The following MTPN variants were observed in gnomAD, a reference collection of about 807,000 sequenced individuals.
The protein encoded by MTPN is myotrophin.
Under a neutral mutation model 13.5 loss-of-function variants are expected in MTPN, and 2 were observed. That is an observed-to-expected ratio of 0.15 (90% CI 0.06 to 0.47). MTPN has a LOEUF of 0.47. Ranked by LOEUF, MTPN falls within the 20% of genes least tolerant of loss-of-function variation. The probability of loss-of-function intolerance (pLI) is 0.97; values close to 1 mark genes in which losing one functional copy is unlikely to be tolerated. For missense variants in MTPN, 79 were observed against 137.9 expected, an observed-to-expected ratio of 0.57 and a Z score of 2.14; for synonymous variants, 46 against 51.7, an observed-to-expected ratio of 0.89 and a Z score of 0.48.
At chr7:135,932,004 A>G (rs1209506643) in intron 3 of MTPN, among the ~76,000 whole-genome samples, 1 of 152,162 alleles carries the variant, frequency 6.6e-6, no homozygotes, top group African/African-American at 2.4e-5. Flanking sequence ...ATTGTTAACA[A>G]ATGTGAACAG....
At position 135,927,137 on chromosome 7, in the gene MTPN, GA is replaced by G. The variant is rs3832468; in HGVS notation, c.*2788del. ...AAACAGCAGCTCAACTGAAATATTAGAAAAAAAAATCAAACAGATACATACA... is the reference window on the plus strand; with the variant it reads ...AAACAGCAGCTCAACTGAAATATTAGAAAAAAAATCAAACAGATACATACA... On this transcript the variant is annotated 3_prime_UTR_variant, in exon 4 of 4. Transcript: ENST00000393085. 35 of 576,910 alleles carry G rather than the reference GA, an allele frequency of 6.1e-5. No individual in the cohort carries two copies. The highest frequency in any genetic ancestry group is 9.6e-5 in the African/African-American group (5 of 51,904). The allele number at this position is 576,910 out of a possible 1,614,324, so 35.7% of individuals were successfully genotyped here. A position where few individuals can be genotyped will look rare whatever the true frequency, so the allele number is the denominator to read the frequency against.
At chr7:135,967,843 A>G (rs570505850) in intron 1 of MTPN, among the ~76,000 whole-genome samples, 1 of 152,324 alleles carries the variant, frequency 6.6e-6, no homozygotes, top group Non-Finnish European at 1.5e-5. Context: ...TCTAATTCCA[A>G]AGCCAACACA....
intron 1 of MTPN, among the ~76,000 whole-genome samples, chr7:135,960,180 A>G (rs1799500399): frequency 6.6e-6 from 1 of 152,124 alleles, no homozygotes; most frequent in African/African-American, 2.4e-5. Flanking sequence ...TGATTAAATT[A>G]TATCATGTGA....
intron 1 of MTPN, 50 bp from the exon 2 acceptor site, chr7:135,951,680 A>G (rs772015316): frequency 2.3e-6 from 3 of 1,286,028 alleles, no homozygotes; most frequent in Non-Finnish European, 3.3e-6. Context: ...GGAAGACTGA[A>G]GAAGTGAAAT....
chr7:135,939,985 T>A (rs35466553), intron 3 of MTPN, among the ~76,000 whole-genome samples: 2,458 of 152,310 alleles, frequency 0.016, 32 homozygotes, highest in African/African-American at 0.037. Flanking sequence ...ATTATTTTTT[T>A]AAAAATACTA....
At chr7:135,935,875 TAA>T (rs1468346448) in intron 3 of MTPN, among the ~76,000 whole-genome samples, 1 of 152,012 alleles carries the variant, frequency 6.6e-6, no homozygotes, top group Non-Finnish European at 1.5e-5. Flanking sequence ...TCTTAGACAC[TAA>T]GTTTCTAAGG....
intron 1 of MTPN, among the ~76,000 whole-genome samples, chr7:135,968,230 T>C (rs1487625594): frequency 6.6e-6 from 1 of 152,202 alleles, no homozygotes; most frequent in Non-Finnish European, 1.5e-5. Flanking sequence ...GTCTCTGACT[T>C]TGTAAATAAG....
At position 135,928,278 on chromosome 7, in the gene MTPN, A is replaced by G. The variant is rs1281841561; in HGVS notation, c.*1648T>C. ...AAAAAGCCACAGGATTAAAAAAAGG[A>G]CTCATGGGGAAAAATACACACACAC... On this transcript the variant is annotated 3_prime_UTR_variant, in exon 4 of 4. Transcript: ENST00000393085. 1 of 166,992 alleles carries G rather than the reference A, an allele frequency of 6.0e-6. No homozygotes were observed. Among genetic ancestry groups the G allele is most frequent in the African/African-American group, 2.4e-5 (1 of 41,360 alleles). 10.3% of individuals were successfully genotyped at this position (166,992 alleles called of 1,614,324 possible). A position where few individuals can be genotyped will look rare whatever the true frequency, so the allele number is the denominator to read the frequency against.
chr7:135,960,877 T>A, intron 1 of MTPN: 1 of 150,018 alleles, frequency 6.7e-6, no homozygotes, highest in Admixed American at 6.6e-5. Flanking sequence ...GTAATCAAAA[T>A]GGAATCCAAA....
chr7:135,965,394 A>G (rs773860988), intron 1 of MTPN, among the ~76,000 whole-genome samples: 7 of 152,144 alleles, frequency 4.6e-5, no homozygotes, highest in Non-Finnish European at 1.0e-4. Context: ...ATCCAAAATG[A>G]AAGTGTAATA....
chr7:135,935,960 T>C (rs1799109464), intron 3 of MTPN, among the ~76,000 whole-genome samples: 2 of 152,064 alleles, frequency 1.3e-5, no homozygotes, highest in South Asian at 4.1e-4. Context: ...TTCTTATTCA[T>C]AACACACTAT....
chr7:135,972,213 GCA>G (rs1246957773), intron 1 of MTPN, among the ~76,000 whole-genome samples: 2 of 86,498 alleles, frequency 2.3e-5, no homozygotes, highest in African/African-American at 4.4e-5. Flanking sequence ...ATACACACGC[GCA>G]CACGCGCACG....
At chr7:135,945,686 C>T (rs1347700067) in intron 3 of MTPN, among the ~76,000 whole-genome samples, 1 of 151,912 alleles carries the variant, frequency 6.6e-6, no homozygotes, top group Non-Finnish European at 1.5e-5. Context: ...GAAGGACATG[C>T]CTGAAGTTCT....
chr7:135,930,057 G>T, intron 3 of MTPN, 45 bp from the exon 4 acceptor site: 1 of 1,530,888 alleles, frequency 6.5e-7, no homozygotes, highest in South Asian at 1.1e-5. Context: ...CCACAACTGG[G>T]GGAAGGGAAT....
At chr7:135,953,553 A>G (rs10247124) in intron 1 of MTPN, among the ~76,000 whole-genome samples, 3,069 of 152,282 alleles carry the variant, frequency 0.02, 102 homozygotes, top group African/African-American at 0.071. Flanking sequence ...GCTAATATTA[A>G]CAGAAATACG....
intron 1 of MTPN, among the ~76,000 whole-genome samples, chr7:135,964,260 T>C (rs1356386113): frequency 6.6e-6 from 1 of 152,094 alleles, no homozygotes; most frequent in East Asian, 1.9e-4. Context: ...AGGGAAATAA[T>C]GTATTCAGAA....
At chr7:135,974,427 G>A (rs1045447687) in intron 1 of MTPN, among the ~76,000 whole-genome samples, 11 of 152,002 alleles carry the variant, frequency 7.2e-5, no homozygotes, top group Non-Finnish European at 1.6e-4. Context: ...TATGGTCCCA[G>A]CTGCTCAGGA....
intron 1 of MTPN, among the ~76,000 whole-genome samples, chr7:135,954,749 T>C (rs377074166): frequency 1.3e-5 from 2 of 152,142 alleles, no homozygotes; most frequent in African/African-American, 4.8e-5. Context: ...GAGACCATCC[T>C]TGCTAACACG....
At chr7:135,964,598 G>C (rs1211283944) in intron 1 of MTPN, among the ~76,000 whole-genome samples, 1 of 152,000 alleles carries the variant, frequency 6.6e-6, no homozygotes, top group Non-Finnish European at 1.5e-5. Context: ...TACAAGTAAT[G>C]ATTCCTCATT....
Sources: allele counts gnomAD v4.1 joint callset (sites outside exome capture counted in the v4.1 genomes callset), GRCh38; gene constraint gnomAD v4.1.1; transcripts MANE v1.5; gene names NCBI Gene and HGNC (gene_info 2026-07-23, HGNC 2026-07-21).